The following NBEA variants were observed in gnomAD, a reference collection of about 807,000 sequenced individuals.
NBEA encodes neurobeachin.
NBEA carries 44 observed loss-of-function variants against 343.4 expected under a neutral mutation model. The observed-to-expected ratio is 0.13, with a 90% CI of 0.10 to 0.16. The LOEUF is 0.16. NBEA is among the 10% of genes least tolerant of loss of function. The pLI is 1.00. For synonymous variants in NBEA, 1,175 were observed against 1,238.7 expected (o/e 0.95, Z 1.08); for missense variants, 2,555 against 3,631.3 (o/e 0.70, Z 7.62).
intron 1 of NBEA, among the ~76,000 whole-genome samples, chr13:34,962,200 G>C (rs2059682379): frequency 6.6e-6 from 1 of 151,962 alleles, no homozygotes; most frequent in East Asian, 1.9e-4. Context: ...TTTTAAATTA[G>C]ATGAACCATT....
intron 8 of NBEA, among the ~76,000 whole-genome samples, chr13:35,060,643 T>C (rs1455178246): frequency 6.6e-6 from 1 of 151,774 alleles, no homozygotes; most frequent in Non-Finnish European, 1.5e-5. Context: ...ATGCATTTTC[T>C]CAATTTGTAA....
At chr13:35,066,846 C>A (rs138195219) in intron 8 of NBEA, among the ~76,000 whole-genome samples, 2,417 of 151,656 alleles carry the variant, frequency 0.016, 37 homozygotes, top group Non-Finnish European at 0.028. Flanking sequence ...CTTTTTATTT[C>A]TTTATTTCTT....
chr13:35,471,010 G>A (rs1256945445), intron 40 of NBEA, among the ~76,000 whole-genome samples: 2 of 152,212 alleles, frequency 1.3e-5, no homozygotes, highest in Non-Finnish European at 2.9e-5. Flanking sequence ...GAGTCCGCGA[G>A]CCCCGGGGGC....
chr13:35,329,803 A>G (rs899740925), intron 36 of NBEA, among the ~76,000 whole-genome samples: 1 of 55,846 alleles, frequency 1.8e-5, no homozygotes, highest in Non-Finnish European at 3.9e-5. Flanking sequence ...TAATTATATT[A>G]TATGTAAATT....
chr13:35,449,902 G>T (rs1027256137), intron 39 of NBEA, among the ~76,000 whole-genome samples: 1 of 152,068 alleles, frequency 6.6e-6, no homozygotes, highest in East Asian at 1.9e-4. Context: ...TTTAAGGTAC[G>T]CATTAACCAT....
chr13:34,976,093 A>G (rs2060164477), intron 1 of NBEA, among the ~76,000 whole-genome samples: 1 of 152,206 alleles, frequency 6.6e-6, no homozygotes, highest in African/African-American at 2.4e-5. Context: ...AGAGGAAAAT[A>G]AGTCATTATA....
chr13:35,259,876 G>C (rs905548257), intron 34 of NBEA, among the ~76,000 whole-genome samples: 2 of 152,054 alleles, frequency 1.3e-5, no homozygotes, highest in African/African-American at 4.8e-5. Flanking sequence ...TGTTATTTCA[G>C]GAATGATATT....
rs2069385013 is a variant in NBEA at position 35,159,207 on chromosome 13, A to G, written c.3036A>G (p.Pro1012=). The G allele has an allele frequency of 6.2e-7, 1 of 1,613,662 alleles. No individual in the cohort carries two copies. Among genetic ancestry groups the G allele is most frequent in the Non-Finnish European group, 8.5e-7 (1 of 1,179,670 alleles). Residue 1012 remains proline (P), a synonymous_variant, in exon 22 of 59, where the codon CCA becomes CCG. Transcript: ENST00000379939. Reference sequence around the variant, plus strand: ...AAGATCTTTCACAAAGCCAGAGCCCAGAAAGTGAGACCGATTACCCTGTCA... The same window carrying G: ...AAGATCTTTCACAAAGCCAGAGCCCGGAAAGTGAGACCGATTACCCTGTCA... ...EIEDLSQSQS[P]ESETDYPVST... is the part of the protein sequence containing the mutation.
chr13:35,085,838 C>A (rs2064727842), intron 10 of NBEA, among the ~76,000 whole-genome samples: 1 of 152,072 alleles, frequency 6.6e-6, no homozygotes, highest in Non-Finnish European at 1.5e-5. Context: ...AAAACCCCAT[C>A]ATCTCAGCCC....
chr13:35,531,432 A>G (rs536361115), intron 41 of NBEA, among the ~76,000 whole-genome samples: 3 of 152,314 alleles, frequency 2.0e-5, no homozygotes, highest in East Asian at 1.9e-4. Context: ...GCTGTTAGCT[A>G]TATTTCCTTT....
intron 36 of NBEA, among the ~76,000 whole-genome samples, chr13:35,319,612 C>T (rs1337938290): frequency 6.6e-6 from 1 of 152,172 alleles, no homozygotes; most frequent in Non-Finnish European, 1.5e-5. Flanking sequence ...ATTAGGTCCA[C>T]TTGGTCCAGA....
At chr13:35,612,421 G>T (rs7327881) in intron 48 of NBEA, among the ~76,000 whole-genome samples, 2 of 151,918 alleles carry the variant, frequency 1.3e-5, no homozygotes, top group Non-Finnish European at 2.9e-5. Context: ...CGTGAGCCAC[G>T]GCGCCTGGCC....
At chr13:35,632,688 G>T (rs1384549928) in intron 49 of NBEA, among the ~76,000 whole-genome samples, 1 of 151,836 alleles carries the variant, frequency 6.6e-6, no homozygotes, top group Admixed American at 6.6e-5. Flanking sequence ...CCACCTCCCA[G>T]GTTCAAGCAA....
At chr13:35,116,833 T>A (rs531043015) in intron 13 of NBEA, among the ~76,000 whole-genome samples, 1 of 152,162 alleles carries the variant, frequency 6.6e-6, no homozygotes, top group East Asian at 1.9e-4. Flanking sequence ...AATTTGTACG[T>A]TATGATAGAA....
intron 34 of NBEA, among the ~76,000 whole-genome samples, chr13:35,278,130 T>A (rs1326556814): frequency 4.1e-5 from 6 of 147,772 alleles, no homozygotes; most frequent in Non-Finnish European, 6.0e-5. Flanking sequence ...ATACATAAAA[T>A]ATATATATAT....
chr13:35,416,957 A>C (rs1270172717), intron 38 of NBEA, among the ~76,000 whole-genome samples: 1 of 152,058 alleles, frequency 6.6e-6, no homozygotes, highest in Non-Finnish European at 1.5e-5. Flanking sequence ...TTCCTGGTTT[A>C]GTCTTGGGAG....
intron 38 of NBEA, among the ~76,000 whole-genome samples, chr13:35,356,512 A>G (rs1486831277): frequency 2.6e-5 from 4 of 152,164 alleles, no homozygotes; most frequent in Admixed American, 6.6e-5. Flanking sequence ...ATATGTGGCC[A>G]TATTTTCCAT....
intron 2 of NBEA, 77 bp downstream of exon 2, chr13:35,041,241 T>A: frequency 8.8e-7 from 1 of 1,133,582 alleles, no homozygotes; most frequent in South Asian, 1.6e-5. Context: ...ATTCTATAGG[T>A]AATGTAGATT....
At chr13:35,033,952 A>T (rs932070681) in intron 1 of NBEA, among the ~76,000 whole-genome samples, 2 of 151,742 alleles carry the variant, frequency 1.3e-5, no homozygotes, top group Non-Finnish European at 3.0e-5. Context: ...TCCGCAAACA[A>T]GGATAATTTG....
Sources: gnomAD v4.1 joint callset for allele counts (sites outside exome capture counted in the v4.1 genomes callset) on GRCh38, gnomAD v4.1.1 for gene constraint, MANE v1.5 for transcripts, NCBI Gene and HGNC (gene_info 2026-07-23, HGNC 2026-07-21) for gene names.